Variants in USP36 observed in about 807,000 individuals in gnomAD.
USP36 encodes the protein ubiquitin specific peptidase 36, also known as ubiquitin carboxyl-terminal hydrolase 36.
In USP36, 59 loss-of-function variants were observed where a neutral mutation model predicts 111.5. The observed-to-expected ratio is 0.53, with a 90% CI of 0.43 to 0.66. The LOEUF is 0.66. Ranked by LOEUF, USP36 falls within the 30% of genes least tolerant of loss-of-function variation. USP36 has a pLI of 0.00. For synonymous variants in USP36, 628 were observed against 581.0 expected (o/e 1.08, Z -1.16); for missense variants, 1,488 against 1,468.0 (o/e 1.01, Z -0.22).
downstream of USP36, among the ~76,000 whole-genome samples, chr17:78,794,230 T>TC (rs1484703313): frequency 1.3e-5 from 2 of 152,218 alleles, no homozygotes; most frequent in Non-Finnish European, 2.9e-5. Flanking sequence ...TTCTCTGCAC[T>TC]CCACCAGCCG....
At chr17:78,841,075 C>T (rs569698207), upstream of USP36, 7 of 152,368 alleles carry the variant, frequency 4.6e-5, no homozygotes, top group African/African-American at 1.7e-4. Flanking sequence ...GGTGACGTCT[C>T]CGCAGCGCAC....
chr17:78,803,240 G>A lies in USP36; in HGVS notation c.2810+145C>T, dbSNP rs903745644. On this transcript the variant is annotated intron_variant, in intron 16 of 20. Transcript: ENST00000449938. This position sits in a 1 kb window ranked among gnomAD's most constrained non-coding sequence, Gnocchi z 4.6. Reference sequence around the variant, plus strand: ...GTGTGAGCCACCACACCCAGCCAGAGGAGACATCTGATCACAAATCCACAT... The same window carrying A: ...GTGTGAGCCACCACACCCAGCCAGAAGAGACATCTGATCACAAATCCACAT... 2.0e-4 allele frequency: 177 copies of A among 885,072 alleles called. No individual in the cohort carries two copies. In the Middle Eastern group the frequency reaches 2.0e-3, roughly 10 times the overall value. The allele number at this position is 885,072 out of a possible 1,614,324, so 54.8% of individuals were successfully genotyped here.
Position 78,800,487 on chromosome 17 carries a change from C to G in USP36, c.3023-719G>C, listed in dbSNP as rs553924838. The stretch of plus-strand genomic sequence containing the variant: ...CCTCTGCCCAGCTAGCCACATAGCC[C>G]CTGGAATATACTCACCTCCCTTCAC... On this transcript the variant is annotated intron_variant, in intron 17 of 20. Transcript: ENST00000449938. Among the ~76,000 whole-genome samples the G allele has an allele frequency of 1.6e-4, 25 of 152,332 alleles. No individual in the cohort carries two copies. The South Asian group carries it at 3.9e-3, about 24-fold the overall frequency.
intron 6 of USP36, among the ~76,000 whole-genome samples, chr17:78,822,446 G>A (rs891747672): frequency 2.1e-5 from 3 of 141,596 alleles, no homozygotes; most frequent in Admixed American, 1.4e-4. Flanking sequence ...GTCACAGACA[G>A]CTGGTCCCCA....
chr17:78,814,041 G>C (rs557309725), intron 11 of USP36, among the ~76,000 whole-genome samples, 168 bp from the exon 12 acceptor site: 1 of 152,266 alleles, frequency 6.6e-6, no homozygotes, highest in African/African-American at 2.4e-5. Flanking sequence ...TCATAACTCG[G>C]AATGTGACCC....
intron 6 of USP36, among the ~76,000 whole-genome samples, chr17:78,826,234 A>G (rs1441226463): frequency 6.6e-6 from 1 of 152,210 alleles, no homozygotes; most frequent in African/African-American, 2.4e-5. Flanking sequence ...AAGTGATTTA[A>G]GTAAGTTTTC....
intron 17 of USP36, among the ~76,000 whole-genome samples, 165 bp downstream of exon 17, chr17:78,802,159 G>A (rs1307949404): frequency 9.4e-6 from 1 of 106,488 alleles, no homozygotes; most frequent in African/African-American, 3.8e-5. Context: ...ACACCCACGC[G>A]GTCCCCCACC....
Position 78,807,344 on chromosome 17 carries a change from T to C in USP36, c.1700A>G (p.Gln567Arg). The C allele has an allele frequency of 6.2e-7, 1 of 1,614,214 alleles. No homozygotes were observed. Among genetic ancestry groups the C allele is most frequent in the Non-Finnish European group, 8.5e-7 (1 of 1,180,034 alleles). ...CCTGCTGTCCCAGGAGCCCTGCCTT[T>C]GGCTCCCAGATCTGCTGCTATTCGA... Reference protein sequence around the residue: ...SNSNSSRSGSQRQGSWDSRDV... With the variant: ...SNSNSSRSGSRRQGSWDSRDV... Residue 567 changes from glutamine (Q) to arginine (R), a missense_variant, in exon 14 of 21, where the codon CAA becomes CGA. Gln to Arg is a conservative substitution (Grantham distance 43). Transcript: ENST00000449938.
rs563478930 is a variant in USP36 at position 78,798,785 on chromosome 17, C to G, written c.3240+123G>C. On this transcript the variant is annotated intron_variant, in intron 19 of 20. Transcript: ENST00000449938. This position sits in a 1 kb window ranked among gnomAD's most constrained non-coding sequence, Gnocchi z 5.1. ...GGCCACACGCCCGGACAGGCCTGGGCAGCCTGGCTCTTCTCATGCTCGGCC... is the reference window on the plus strand; with the variant it reads ...GGCCACACGCCCGGACAGGCCTGGGGAGCCTGGCTCTTCTCATGCTCGGCC... The G allele has an allele frequency of 3.1e-6, 4 of 1,307,942 alleles. No homozygotes were observed. The African/African-American group carries it at 5.8e-5, about 19-fold the overall frequency. The allele number at this position is 1,307,942 out of a possible 1,614,324, so 81.0% of individuals were successfully genotyped here. A position where few individuals can be genotyped will look rare whatever the true frequency, so the allele number is the denominator to read the frequency against.
intron 14 of USP36, 115 bp downstream of exon 14, chr17:78,806,844 T>C (rs2093915350): frequency 2.1e-6 from 3 of 1,400,776 alleles, no homozygotes; most frequent in Non-Finnish European, 9.7e-7. Context: ...TTTGTTCCTC[T>C]AACATGAGGG....
Position 78,798,380 on chromosome 17 carries a change from C to T in USP36, c.*20+20G>A, listed in dbSNP as rs760068780. On this transcript the variant is annotated intron_variant, in intron 20 of 20. Transcript: ENST00000449938. The surrounding 1 kb of genome is among the most constrained non-coding windows in gnomAD (Gnocchi z 5.1). ...CACACACCCCCACCTCACCCTTACACCCACCCCCTCGGAACCGACCTCCTT... is the reference window on the plus strand; with the variant it reads ...CACACACCCCCACCTCACCCTTACATCCACCCCCTCGGAACCGACCTCCTT... The T allele has an allele frequency of 3.1e-6, 5 of 1,612,788 alleles. No homozygotes were observed. In the Admixed American group the frequency reaches 6.7e-5, roughly 22 times the overall value.
At chr17:78,805,393 G>A (rs897746368) in intron 15 of USP36, among the ~76,000 whole-genome samples, 2 of 152,164 alleles carry the variant, frequency 1.3e-5, no homozygotes, top group Non-Finnish European at 2.9e-5. Flanking sequence ...TGTGAGAGGA[G>A]AGTAAGGCAG....
At chr17:78,817,585 T>C (rs1322866549) in intron 10 of USP36, among the ~76,000 whole-genome samples, 1 of 151,606 alleles carries the variant, frequency 6.6e-6, no homozygotes, top group African/African-American at 2.4e-5. Context: ...CAAAACCCCA[T>C]CTCTACTAAA....
At chr17:78,841,053 G>T (rs2069249666), upstream of USP36, 1 of 152,256 alleles carries the variant, frequency 6.6e-6, no homozygotes, top group Non-Finnish European at 1.5e-5. Flanking sequence ...TCCCGCCCCT[G>T]TGCCGCGGCA....
chr17:78,799,711 T>C lies in USP36; in HGVS notation c.3080A>G (p.Gln1027Arg). The C allele has an allele frequency of 6.2e-7, 1 of 1,613,294 alleles. No individual in the cohort carries two copies. Among genetic ancestry groups the C allele is most frequent in the Non-Finnish European group, 8.5e-7 (1 of 1,179,720 alleles). Reference sequence around the variant, plus strand: ...ATCAGATGAGTATTTGAGCAGTTCCTGGACCACATCAGACTCCCGCTCTCC... The same window carrying C: ...ATCAGATGAGTATTTGAGCAGTTCCCGGACCACATCAGACTCCCGCTCTCC... The part of the protein sequence containing the change: ...WNGERESDVV[Q>R]ELLKYSSDKA... The change falls in exon 18 of 21, where the codon CAG becomes CGG. Residue 1027 changes from glutamine (Q) to arginine (R), a missense_variant. Physicochemically the swap from Gln to Arg is conservative, Grantham distance 43. Coordinates refer to ENST00000449938, the MANE Select transcript of USP36 (RefSeq NM_001385174.1).
intron 4 of USP36, among the ~76,000 whole-genome samples, chr17:78,832,884 C>T (rs990857390): frequency 1.3e-5 from 2 of 152,194 alleles, no homozygotes; most frequent in African/African-American, 4.8e-5. Context: ...CACGGTGGCT[C>T]ATGCCTGTAA....
intron 5 of USP36, 147 bp downstream of exon 5, chr17:78,828,750 A>C: frequency 1.4e-6 from 1 of 732,368 alleles, no homozygotes; most frequent in East Asian, 2.8e-5. Context: ...CGTGTCTGTA[A>C]TCCCAACACT....
At chr17:78,790,528 T>G (rs906839808) in intron 3 of USP36, among the ~76,000 whole-genome samples, 1 of 152,122 alleles carries the variant, frequency 6.6e-6, no homozygotes, top group African/African-American at 2.4e-5. Context: ...CCTGACCTTG[T>G]GATCTGTCTG....
chr17:78,788,746 C>T (rs1158179680), intron 3 of USP36, among the ~76,000 whole-genome samples: 1 of 152,208 alleles, frequency 6.6e-6, no homozygotes, highest in East Asian at 1.9e-4. Context: ...CACCAGACAC[C>T]AGGACATCAT....
Sources: gnomAD v4.1 joint callset for allele counts (sites outside exome capture counted in the v4.1 genomes callset) on GRCh38, gnomAD v4.1.1 for gene constraint, Gnocchi (gnomAD v3.1) non-coding constraint, MANE v1.5 for transcripts, NCBI Gene and HGNC (gene_info 2026-07-23, HGNC 2026-07-21) for gene names.